The following FADS2 variants were observed in gnomAD, a reference collection of about 807,000 sequenced individuals.
FADS2 encodes fatty acid desaturase 2.
Under a neutral mutation model 61.2 loss-of-function variants are expected in FADS2, and 18 were observed. The observed-to-expected ratio is 0.29, with a 90% CI of 0.20 to 0.44. The LOEUF (loss-of-function observed/expected upper bound fraction) is 0.44. Ranked by LOEUF, FADS2 falls within the 20% of genes least tolerant of loss-of-function variation. The pLI is 1.00. For synonymous variants in FADS2, 203 were observed against 223.9 expected (o/e 0.91, Z 0.83); for missense variants, 322 against 572.7 (o/e 0.56, Z 4.47).
upstream of FADS2, chr11:61,826,145 C>T (rs1368227715): frequency 1.1e-5 from 8 of 702,506 alleles, no homozygotes; most frequent in Middle Eastern, 9.1e-4. Flanking sequence ...ATGGTAAAGT[C>T]CTCCCTTCCT....
At chr11:61,861,958 T>C (rs1385802403) in intron 7 of FADS2, 2 of 152,288 alleles carry the variant, frequency 1.3e-5, no homozygotes, top group East Asian at 3.8e-4. Flanking sequence ...GACACAAATG[T>C]GACCTTGTTC....
chr11:61,860,577 T>C (rs534039892), intron 7 of FADS2, among the ~76,000 whole-genome samples: 1 of 152,350 alleles, frequency 6.6e-6, no homozygotes, highest in African/African-American at 2.4e-5. Context: ...TTGGGCTCTC[T>C]GCCCCTGAAA....
chr11:61,856,733 C>T, intron 5 of FADS2: 1 of 474,956 alleles, frequency 2.1e-6, no homozygotes, highest in African/African-American at 1.9e-5. Context: ...AACGCTGAGC[C>T]TCAGCCTCAG....
intron 4 of FADS2, among the ~76,000 whole-genome samples, chr11:61,846,102 C>A (rs935069645): frequency 1.3e-5 from 2 of 151,014 alleles, no homozygotes; most frequent in Middle Eastern, 6.8e-3. Flanking sequence ...TTTGATTCCT[C>A]GAGCCTCTAA....
chr11:61,816,613 G>T lies in FADS2; in HGVS notation c.141+187G>T. On this transcript the variant is annotated intron_variant, in intron 1 of 11. Transcript: ENST00000257261. The surrounding 1 kb of genome is among the most constrained non-coding windows in gnomAD (Gnocchi z 7.0). ...CCGGGAGCCCCCTGGATGCCGGCGG[G>T]TGAACTCGCTGATGTTGTACACCTT... is the stretch of plus-strand genomic sequence containing the variant. 1 of 1,605,422 alleles carries T rather than the reference G, an allele frequency of 6.2e-7. No homozygotes were observed.
chr11:61,843,175 A>T (rs2067230311), intron 4 of FADS2, among the ~76,000 whole-genome samples: 1 of 152,176 alleles, frequency 6.6e-6, no homozygotes, highest in Admixed American at 6.5e-5. Flanking sequence ...CACGCCTATA[A>T]CCTCAGCGCT....
chr11:61,845,346 C>G (rs994557196), intron 4 of FADS2, among the ~76,000 whole-genome samples: 81 of 152,240 alleles, frequency 5.3e-4, no homozygotes, highest in Non-Finnish European at 1.8e-4. Flanking sequence ...GGTTCACCTC[C>G]CAGGCAGAGC....
At chr11:61,840,755 C>A (rs767176351) in intron 4 of FADS2, 30 bp downstream of exon 4, 1 of 1,521,984 alleles carries the variant, frequency 6.6e-7, no homozygotes, top group Non-Finnish European at 9.1e-7. Flanking sequence ...GGCATCTGTC[C>A]TGTTGGACAG....
At chr11:61,831,518 T>C (rs1462079590) in intron 1 of FADS2, among the ~76,000 whole-genome samples, 1 of 152,118 alleles carries the variant, frequency 6.6e-6, no homozygotes, top group African/African-American at 2.4e-5. Flanking sequence ...TTTCTTTTTT[T>C]TGAAGAGCAA....
chr11:61,821,407 G>A (rs946857242), intron 1 of FADS2: 68 of 701,976 alleles, frequency 9.7e-5, no homozygotes, highest in East Asian at 1.9e-4. Flanking sequence ...CCTTAATGCC[G>A]ATTGTAATGA....
chr11:61,835,943 A>G (rs550216189), intron 1 of FADS2, among the ~76,000 whole-genome samples: 2 of 152,366 alleles, frequency 1.3e-5, no homozygotes, highest in African/African-American at 4.8e-5. Context: ...CCTTTGTCAC[A>G]TTTAAGAAAA....
intron 1 of FADS2, among the ~76,000 whole-genome samples, chr11:61,833,344 C>T (rs2067144601): frequency 6.6e-6 from 1 of 152,206 alleles, no homozygotes; most frequent in African/African-American, 2.4e-5. Context: ...CCTGGTCTGC[C>T]TTATACCTGC....
At chr11:61,863,171 C>A (rs2067432274) in intron 8 of FADS2, 102 bp downstream of exon 8, 1 of 1,424,262 alleles carries the variant, frequency 7.0e-7, no homozygotes, top group South Asian at 1.2e-5. Context: ...CTGGGGACCT[C>A]CCATCCTGGC....
intron 1 of FADS2, among the ~76,000 whole-genome samples, chr11:61,834,989 ACC>A (rs1266438504): frequency 3.8e-5 from 1 of 26,172 alleles, no homozygotes. Context: ...CTGCCCCCCC[ACC>A]CCAGCCCTCC....
intron 7 of FADS2, among the ~76,000 whole-genome samples, chr11:61,861,672 T>A (rs2067417934): frequency 6.6e-6 from 1 of 152,206 alleles, no homozygotes; most frequent in South Asian, 2.1e-4. Context: ...CCTCGGCCAA[T>A]GTTGGCCCCA....
Position 61,834,991 on chromosome 11 carries a change from C to A in FADS2, c.208-2787C>A, listed in dbSNP as rs559718131. Among the ~76,000 whole-genome samples the A allele has an allele frequency of 2.7e-5, 4 of 147,492 alleles. 1 individual carries two copies. The Admixed American group carries it at 2.7e-4, about 10-fold the overall frequency. On this transcript the variant is annotated intron_variant, in intron 1 of 11. Coordinates refer to ENST00000278840, the MANE Select transcript of FADS2 (RefSeq NM_004265.4). ...GCCTCCTCCCTGCCTGCCCCCCCACCCCAGCCCTCCTCCCTGCCTGCCCCC... is the reference window on the plus strand; with the variant it reads ...GCCTCCTCCCTGCCTGCCCCCCCACACCAGCCCTCCTCCCTGCCTGCCCCC...
intron 1 of FADS2, among the ~76,000 whole-genome samples, chr11:61,822,765 C>T (rs960703085): frequency 6.6e-5 from 10 of 152,196 alleles, no homozygotes; most frequent in East Asian, 5.8e-4. Context: ...ATTTACTTCA[C>T]TATAGTAAGT....
chr11:61,833,084 C>T (rs996215937), intron 1 of FADS2, among the ~76,000 whole-genome samples: 3 of 152,218 alleles, frequency 2.0e-5, no homozygotes, highest in African/African-American at 7.2e-5. Flanking sequence ...GAAGCAGGAA[C>T]TGGCAAAGAG....
chr11:61,816,590 G>A lies in FADS2; in HGVS notation c.141+164G>A, dbSNP rs761717618. On this transcript the variant is annotated intron_variant, in intron 1 of 11. Coordinates refer to the FADS2 transcript ENST00000257261. This position sits in a 1 kb window ranked among gnomAD's most constrained non-coding sequence, Gnocchi z 7.0. Reference sequence around the variant, plus strand: ...TGCCCGGCGTAGTGGCTGATGACCCGGGAGCCCCCTGGATGCCGGCGGGTG... The same window carrying A: ...TGCCCGGCGTAGTGGCTGATGACCCAGGAGCCCCCTGGATGCCGGCGGGTG... 1 of 1,609,604 alleles carries A rather than the reference G, an allele frequency of 6.2e-7. No individual in the cohort carries two copies. The highest frequency in any genetic ancestry group is 8.5e-7 in the Non-Finnish European group (1 of 1,178,748).
Sources: gnomAD v4.1 joint callset for allele counts (sites outside exome capture counted in the v4.1 genomes callset) on GRCh38, gnomAD v4.1.1 for gene constraint, Gnocchi (gnomAD v3.1) non-coding constraint, MANE v1.5 for transcripts, NCBI Gene and HGNC (gene_info 2026-07-23, HGNC 2026-07-21) for gene names.